Variants in STARD13 observed in about 807,000 individuals in gnomAD.
STARD13 encodes StAR related lipid transfer domain containing 13, also known as stAR-related lipid transfer protein 13.
A neutral mutation model predicts 106.4 loss-of-function variants in STARD13; 62 were observed. The observed-to-expected ratio is 0.58, with a 90% CI of 0.48 to 0.72. The LOEUF (loss-of-function observed/expected upper bound fraction) is 0.72. STARD13 is among the 30% of genes least tolerant of loss of function. The probability of loss-of-function intolerance (pLI) is 0.00; values close to 1 mark genes in which losing one functional copy is unlikely to be tolerated. For missense variants in STARD13, 1,387 were observed against 1,424.0 expected (o/e 0.97, Z 0.42); for synonymous variants, 565 against 553.0 (o/e 1.02, Z -0.31).
chr13:33,216,029 G>A (rs1488099450), intron 1 of STARD13, among the ~76,000 whole-genome samples: 1 of 152,088 alleles, frequency 6.6e-6, no homozygotes, highest in East Asian at 1.9e-4. Flanking sequence ...CCTTACTCTT[G>A]CAAGAATGGC....
the STARD13 span, among the ~76,000 whole-genome samples, chr13:33,616,010 T>C: frequency 6.6e-6 from 1 of 152,202 alleles, no homozygotes; most frequent in Non-Finnish European, 1.5e-5. Context: ...ATTTGTATTA[T>C]TTATTTTGTG....
rs759249174 is a variant in STARD13 at position 33,130,156 on chromosome 13, C to T, written c.521G>A (p.Gly174Asp). The stretch of plus-strand genomic sequence containing the variant: ...GCTGGTCGTGTTCCTCATCCCCGTG[C>T]CTCCCGGTGACCCATTTCTGTCTCC... ...PRGDRNGSPG[G>D]TGMRNTTSSE... The change falls in exon 5 of 14, where the codon GGC (glycine) becomes GAC (aspartate). Residue 174 changes from glycine to aspartate, a missense_variant. Gly to Asp is a moderately conservative substitution (Grantham distance 94). Coordinates refer to ENST00000336934, the MANE Select transcript of STARD13 (RefSeq NM_178006.4). The surrounding 1 kb of genome is among the most constrained non-coding windows in gnomAD (Gnocchi z 4.1). The T allele has an allele frequency of 6.2e-7, 1 of 1,614,112 alleles. No individual in the cohort carries two copies. The highest frequency in any genetic ancestry group is 8.5e-7 in the Non-Finnish European group (1 of 1,180,032).
At chr13:33,548,465 G>T in the STARD13 span, among the ~76,000 whole-genome samples, 7 of 152,168 alleles carry the variant, frequency 4.6e-5, no homozygotes, top group Non-Finnish European at 5.9e-5. Flanking sequence ...CATTTCTGTG[G>T]AGTGGACTCG....
the STARD13 span, among the ~76,000 whole-genome samples, chr13:33,400,522 C>T: frequency 6.6e-6 from 1 of 150,960 alleles, no homozygotes; most frequent in Non-Finnish European, 1.5e-5. Context: ...AGTGTAGTGG[C>T]ACAATCTCAG....
the STARD13 span, among the ~76,000 whole-genome samples, chr13:33,567,852 T>G: frequency 6.8e-6 from 1 of 148,092 alleles, no homozygotes; most frequent in Non-Finnish European, 1.5e-5. Flanking sequence ...GTTTGCCCAT[T>G]TCATGCCAGA....
chr13:33,233,886 C>T (rs148242481), intron 1 of STARD13, among the ~76,000 whole-genome samples: 3 of 152,176 alleles, frequency 2.0e-5, no homozygotes, highest in South Asian at 2.1e-4. Context: ...AGCAGCCAGC[C>T]GGATCTTGCA....
At chr13:33,539,560 TGAATA>T in the STARD13 span, among the ~76,000 whole-genome samples, 5 of 152,196 alleles carry the variant, frequency 3.3e-5, no homozygotes, top group Non-Finnish European at 7.3e-5. Context: ...TCAATGAAAT[TGAATA>T]GAATAGAAAT....
chr13:33,463,986 G>A, the STARD13 span, among the ~76,000 whole-genome samples: 5 of 143,476 alleles, frequency 3.5e-5, no homozygotes, highest in Non-Finnish European at 6.1e-5. Context: ...ACTCCAGCCT[G>A]GGTAACAAAA....
intron 1 of STARD13, among the ~76,000 whole-genome samples, chr13:33,193,318 C>T (rs1318903182): frequency 6.6e-6 from 1 of 152,078 alleles, no homozygotes; most frequent in Non-Finnish European, 1.5e-5. Context: ...AAAGTTGAAC[C>T]ATCAAAGATC....
At chr13:33,548,353 G>GA in the STARD13 span, among the ~76,000 whole-genome samples, 1 of 152,100 alleles carries the variant, frequency 6.6e-6, no homozygotes, top group Non-Finnish European at 1.5e-5. Flanking sequence ...ACTGTTGGTT[G>GA]AAAAAAACCC....
At chr13:33,523,204 T>C in the STARD13 span, among the ~76,000 whole-genome samples, 2 of 152,064 alleles carry the variant, frequency 1.3e-5, no homozygotes, top group African/African-American at 4.8e-5. Context: ...AAATTGGGTA[T>C]TTATTCCCTG....
chr13:33,594,611 A>C, the STARD13 span, among the ~76,000 whole-genome samples: 1 of 152,194 alleles, frequency 6.6e-6, no homozygotes, highest in African/African-American at 2.4e-5. Flanking sequence ...CATCACCATC[A>C]TCCATATCCA....
At chr13:33,424,583 C>T in the STARD13 span, among the ~76,000 whole-genome samples, 7 of 152,078 alleles carry the variant, frequency 4.6e-5, no homozygotes, top group African/African-American at 1.2e-4. Context: ...AAGCAACACC[C>T]GTGAAAAGAA....
intron 2 of STARD13, 91 bp from the exon 3 acceptor site, chr13:33,165,509 G>A: frequency 3.2e-6 from 3 of 933,646 alleles, no homozygotes; most frequent in Non-Finnish European, 5.1e-6. Flanking sequence ...AAAAGCCACT[G>A]ATTTTAATAG....
At chr13:33,482,043 T>C in the STARD13 span, among the ~76,000 whole-genome samples, 3 of 151,964 alleles carry the variant, frequency 2.0e-5, no homozygotes, top group Non-Finnish European at 2.9e-5. Flanking sequence ...TATTTGATGA[T>C]ACTAAAAATT....
At chr13:33,480,257 T>C in the STARD13 span, among the ~76,000 whole-genome samples, 1 of 152,176 alleles carries the variant, frequency 6.6e-6, no homozygotes, top group Non-Finnish European at 1.5e-5. Flanking sequence ...TAGGACTCAT[T>C]TTGTATTACA....
the STARD13 span, among the ~76,000 whole-genome samples, chr13:33,669,494 C>A: frequency 6.6e-6 from 1 of 150,492 alleles, no homozygotes; most frequent in Non-Finnish European, 1.5e-5. Context: ...GAATCTTACC[C>A]ATGCTCACTA....
At chr13:33,182,310 TA>T (rs1885316967) in intron 1 of STARD13, among the ~76,000 whole-genome samples, 1 of 152,226 alleles carries the variant, frequency 6.6e-6, no homozygotes, top group Admixed American at 6.5e-5. Context: ...TAAAATATAT[TA>T]ATGTAAAAAT....
chr13:33,196,781 C>T (rs1227271736), intron 1 of STARD13, among the ~76,000 whole-genome samples: 1 of 152,188 alleles, frequency 6.6e-6, no homozygotes, highest in African/African-American at 2.4e-5. Flanking sequence ...CTGAAATTCC[C>T]TTACTCCTAG....
Sources: gnomAD v4.1 joint callset for allele counts (sites outside exome capture counted in the v4.1 genomes callset) on GRCh38, gnomAD v4.1.1 for gene constraint, Gnocchi (gnomAD v3.1) non-coding constraint, MANE v1.5 for transcripts, NCBI Gene and HGNC (gene_info 2026-07-23, HGNC 2026-07-21) for gene names.